Variants in SMG6 observed in about 807,000 individuals in gnomAD.
The protein encoded by SMG6 is telomerase-binding protein EST1A.
Under a neutral mutation model 142.2 loss-of-function variants are expected in SMG6, and 66 were observed. That is an observed-to-expected ratio of 0.46 (90% confidence interval 0.38 to 0.57). SMG6 has a LOEUF of 0.57. Among genes scored for constraint, SMG6 ranks in the 20% least tolerant of loss-of-function variants. The pLI, the probability that SMG6 is intolerant of heterozygous loss-of-function variation, is 0.00. For missense variants in SMG6, 1,793 were observed against 1,832.0 expected, an observed-to-expected ratio of 0.98 and a Z score of 0.39; for synonymous variants, 779 against 702.4, an observed-to-expected ratio of 1.11 and a Z score of -1.72.
Position 2,292,987 on chromosome 17 carries a change from A to G in SMG6, c.2152-10T>C, listed in dbSNP as rs200245082. ...TCAAGGCATATTTTACCTTCAGGAA[A>G]AACAACCAGTTAGTAGAAAAGCCAA... is the stretch of plus-strand genomic sequence containing the variant. On this transcript the variant is annotated splice_polypyrimidine_tract_variant and intron_variant, in intron 4 of 18. Transcript: ENST00000263073. 1 of 1,598,118 alleles carries G rather than the reference A, an allele frequency of 6.3e-7. No homozygotes were observed. The highest frequency in any genetic ancestry group is 8.6e-7 in the Non-Finnish European group (1 of 1,165,426).
intron 6 of SMG6, among the ~76,000 whole-genome samples, chr17:2,285,549 C>T (rs1278633765): frequency 3.9e-5 from 6 of 152,128 alleles, no homozygotes; most frequent in Admixed American, 6.5e-5. Context: ...ATTAAGAAAA[C>T]AATTTCTGGC....
chr17:2,203,066 T>A (rs2072580600), intron 10 of SMG6, among the ~76,000 whole-genome samples: 1 of 152,048 alleles, frequency 6.6e-6, no homozygotes, highest in Admixed American at 6.6e-5. Flanking sequence ...AACCATCTAC[T>A]CTCTACAAGA....
In SMG6 at chr17:2,297,739, C is replaced by T. The variant is rs1597234481; in HGVS notation, c.2040+124G>A. ...ACTGGTGTAGGGAAGGCTCAGAACC[C>T]AAGAAAAGGGCAGTTTTTTTGTCGA... On this transcript the variant is annotated intron_variant, in intron 3 of 18. Transcript: ENST00000263073. 8 of 1,084,640 alleles carry T rather than the reference C, an allele frequency of 7.4e-6. No homozygotes were observed. The East Asian group carries it at 2.0e-4, about 28-fold the overall frequency. The allele number at this position is 1,084,640 out of a possible 1,614,324, so 67.2% of individuals were successfully genotyped here.
chr17:2,303,623 C>T lies in SMG6; in HGVS notation c.88+10G>A, dbSNP rs771677096. 8 of 1,447,494 alleles carry T rather than the reference C, an allele frequency of 5.5e-6. No individual in the cohort carries two copies. The highest frequency in any genetic ancestry group is 3.0e-5 in the East Asian group (1 of 32,936). The allele number at this position is 1,447,494 out of a possible 1,614,324, so 89.7% of individuals were successfully genotyped here. A position where few individuals can be genotyped will look rare whatever the true frequency, so the allele number is the denominator to read the frequency against. On this transcript the variant is annotated intron_variant, in intron 1 of 18. Transcript: ENST00000263073. ...CAGGCCCGGCCCAGGAGCTGGGCGG[C>T]GCGACTCACCTCTGCTCCCGGCCTG...
chr17:2,110,448 T>C (rs1407181123), intron 13 of SMG6, among the ~76,000 whole-genome samples: 1 of 152,202 alleles, frequency 6.6e-6, no homozygotes, highest in Non-Finnish European at 1.5e-5. Context: ...GATACATTTA[T>C]GTAAGTGGTG....
intron 13 of SMG6, among the ~76,000 whole-genome samples, chr17:2,152,582 T>C (rs185707038): frequency 2.0e-5 from 3 of 152,172 alleles, no homozygotes; most frequent in African/African-American, 7.2e-5. Flanking sequence ...AGATGACAAA[T>C]GAACATATGA....
At chr17:2,277,916 C>T (rs1428665521) in intron 8 of SMG6, among the ~76,000 whole-genome samples, 1 of 151,988 alleles carries the variant, frequency 6.6e-6, no homozygotes, top group Admixed American at 6.6e-5. Context: ...GGCATGGTGG[C>T]GCATGCTTGC....
intron 15 of SMG6, among the ~76,000 whole-genome samples, chr17:2,080,073 T>TCAAAA (rs59094023): frequency 0.038 from 5,463 of 142,936 alleles, 141 homozygotes; most frequent in African/African-American, 0.063. Context: ...AGACTCCATC[T>TCAAAA]CAAAACAAAA....
rs1310962673 is a variant in SMG6, at chr17:2,172,767, T to A, written c.3248A>T (p.Asp1083Val). The A allele has an allele frequency of 1.9e-6, 3 of 1,614,142 alleles. No individual in the cohort carries two copies. The South Asian group carries it at 3.3e-5, about 18-fold the overall frequency. Residue 1083 changes from aspartate (D) to valine (V), a missense_variant, in exon 13 of 19, where the codon GAT becomes GTT. By Grantham distance (152) the Asp-to-Val change is radical. Coordinates refer to ENST00000263073, the MANE Select transcript of SMG6 (RefSeq NM_017575.5). ...CAGGATAAGAAGGGTGAGGTCATCA[T>A]CCGGGTCCTTGTACAGTGGCACCTC... ...QSEVPLYKDP[D>V]DDLTLLILEE...
chr17:2,282,877 A>C lies in SMG6; in HGVS notation c.2449-18T>G. 6.2e-7 allele frequency: 1 copy of C among 1,612,254 alleles called. No individual in the cohort carries two copies. The highest frequency in any genetic ancestry group is 8.5e-7 in the Non-Finnish European group (1 of 1,178,396). ...TGTTCTGCCTATATAACATACAAAC[A>C]CATTAGCTCATGGCCTGGTGTGGTG... On this transcript the variant is annotated intron_variant, in intron 7 of 18. Transcript: ENST00000263073.
At chr17:2,099,949 G>C (rs2068960000) in intron 13 of SMG6, among the ~76,000 whole-genome samples, 1 of 151,906 alleles carries the variant, frequency 6.6e-6, no homozygotes, top group Non-Finnish European at 1.5e-5. Context: ...TGCAACCTCT[G>C]CCTTCTGGGC....
intron 13 of SMG6, among the ~76,000 whole-genome samples, chr17:2,130,261 C>T (rs1182063608): frequency 1.2e-4 from 2 of 17,090 alleles, no homozygotes; most frequent in African/African-American, 4.7e-4. Context: ...AGCGAGACTC[C>T]GTCTCAAAAA....
chr17:2,161,240 G>A (rs1262634582), intron 13 of SMG6, among the ~76,000 whole-genome samples: 1 of 151,648 alleles, frequency 6.6e-6, no homozygotes, highest in Non-Finnish European at 1.5e-5. Context: ...GAGTAGCTGG[G>A]ATTACAGGCG....
At chr17:2,228,390 G>A (rs1210790806) in intron 10 of SMG6, among the ~76,000 whole-genome samples, 1 of 152,112 alleles carries the variant, frequency 6.6e-6, no homozygotes, top group Non-Finnish European at 1.5e-5. Flanking sequence ...CACCGTGCAG[G>A]GCTAATTTTT....
intron 13 of SMG6, among the ~76,000 whole-genome samples, chr17:2,137,328 C>T (rs1403607718): frequency 6.6e-6 from 1 of 152,038 alleles, no homozygotes; most frequent in Admixed American, 6.6e-5. Flanking sequence ...AATGTTTTTC[C>T]AGCTCAAAAG....
At chr17:2,120,661 T>G (rs1249384755) in intron 13 of SMG6, among the ~76,000 whole-genome samples, 2 of 152,324 alleles carry the variant, frequency 1.3e-5, no homozygotes, top group Admixed American at 6.5e-5. Flanking sequence ...AGGTCAAGTC[T>G]GCAGTGAGCT....
chr17:2,278,749 TA>T (rs1410656060), intron 8 of SMG6, among the ~76,000 whole-genome samples: 2 of 152,174 alleles, frequency 1.3e-5, no homozygotes, highest in African/African-American at 4.8e-5. Context: ...TGTGCACGTA[TA>T]AAAATATCAC....
chr17:2,233,008 T>C (rs1942886301), intron 10 of SMG6: 1 of 152,226 alleles, frequency 6.6e-6, no homozygotes, highest in African/African-American at 2.4e-5. Flanking sequence ...AGCAACAATA[T>C]GATTTCCATC....
chr17:2,241,626 G>A (rs758693464), intron 9 of SMG6, among the ~76,000 whole-genome samples: 1 of 152,128 alleles, frequency 6.6e-6, no homozygotes, highest in Non-Finnish European at 1.5e-5. Flanking sequence ...CCTGGGCTCA[G>A]GCGATTCTCC....
Sources: gnomAD v4.1 joint callset for allele counts (sites outside exome capture counted in the v4.1 genomes callset) on GRCh38, gnomAD v4.1.1 for gene constraint, MANE v1.5 for transcripts, NCBI Gene and HGNC (gene_info 2026-07-23, HGNC 2026-07-21) for gene names.